DDX10: variants seen among roughly 807,000 people sequenced by gnomAD.
DDX10 encodes the protein DEAD-box helicase 10, also known as probable ATP-dependent RNA helicase DDX10.
DDX10 carries 74 observed loss-of-function variants against 104.3 expected under a neutral mutation model. The observed-to-expected ratio is 0.71, with a 90% confidence interval of 0.59 to 0.86. DDX10 has a LOEUF of 0.86. Ranked by LOEUF, DDX10 falls within the 40% of genes least tolerant of loss-of-function variation. DDX10 has a pLI of 0.00. For missense variants in DDX10, 952 were observed against 1,040.0 expected (o/e 0.92, Z 1.16); for synonymous variants, 351 against 353.4 (o/e 0.99, Z 0.08).
intron 16 of DDX10, among the ~76,000 whole-genome samples, chr11:108,859,356 G>C (rs1862910660): frequency 6.6e-6 from 1 of 152,136 alleles, no homozygotes; most frequent in Non-Finnish European, 1.5e-5. Context: ...TGGTGTTAGA[G>C]TCAGAATACT....
At chr11:108,855,481 A>T (rs1042505232) in intron 16 of DDX10, among the ~76,000 whole-genome samples, 5 of 152,288 alleles carry the variant, frequency 3.3e-5, no homozygotes, top group Non-Finnish European at 7.4e-5. Flanking sequence ...ATTTTTTAAG[A>T]TGGAGTCTCG....
chr11:108,751,609 A>AG (rs1253431277), intron 13 of DDX10, among the ~76,000 whole-genome samples: 2 of 152,230 alleles, frequency 1.3e-5, no homozygotes, highest in African/African-American at 2.4e-5. Context: ...AGACTGCCGA[A>AG]GGGGGCCTAT....
rs546512746 is a variant in DDX10, at chr11:108,710,526, G to A, written c.1322+3689G>A. Among the ~76,000 whole-genome samples the A allele has an allele frequency of 2.0e-4, 30 of 150,608 alleles. No homozygotes were observed. In the South Asian group the frequency reaches 2.3e-3, roughly 12 times the overall value. ...TATCACTGTCTTTCATTTTCACATCGTCCCACTAGAAGGCCTTCAGGGGCA... is the reference window on the plus strand; with the variant it reads ...TATCACTGTCTTTCATTTTCACATCATCCCACTAGAAGGCCTTCAGGGGCA... On this transcript the variant is annotated intron_variant, in intron 10 of 17. Transcript: ENST00000322536.
intron 13 of DDX10, among the ~76,000 whole-genome samples, chr11:108,793,995 A>G (rs1380787001): frequency 6.6e-6 from 1 of 152,138 alleles, no homozygotes; most frequent in Non-Finnish European, 1.5e-5. Flanking sequence ...CGTTTCTGCA[A>G]ATGACATGAT....
rs534188665 is a variant in DDX10, at chr11:108,910,055, G to C, written c.2305-7818G>C. 6.6e-5 allele frequency among the ~76,000 whole-genome samples: 10 copies of C among 151,568 alleles called. No individual in the cohort carries two copies. In the South Asian group the frequency reaches 2.1e-3, roughly 32 times the overall value. ...AGAATACTTGCAGGAAGACGTATTA[G>C]GCAGCTGGCGCAATATTCTAGGCAA... On this transcript the variant is annotated intron_variant, in intron 16 of 17. Transcript: ENST00000322536.
chr11:108,815,127 GAAAAC>G (rs1862237331), intron 13 of DDX10, among the ~76,000 whole-genome samples: 1 of 151,928 alleles, frequency 6.6e-6, no homozygotes, highest in Admixed American at 6.6e-5. Flanking sequence ...ACATAACAAA[GAAAAC>G]AAAAATCAAG....
intron 13 of DDX10, among the ~76,000 whole-genome samples, chr11:108,771,288 T>G (rs1190879353): frequency 6.6e-6 from 1 of 152,146 alleles, no homozygotes; most frequent in Non-Finnish European, 1.5e-5. Context: ...CAATATTTTC[T>G]CTCATTCTGT....
chr11:108,884,520 A>T (rs1263837565), intron 16 of DDX10, among the ~76,000 whole-genome samples: 1 of 152,140 alleles, frequency 6.6e-6, no homozygotes, highest in Non-Finnish European at 1.5e-5. Flanking sequence ...GCCTTGATGT[A>T]GGTCTCTGTC....
intron 13 of DDX10, among the ~76,000 whole-genome samples, chr11:108,815,369 G>A (rs2615757): frequency 0.21 from 31,975 of 151,926 alleles, 3,997 homozygotes; most frequent in African/African-American, 0.32. Flanking sequence ...GCATATGCAG[G>A]GGGTTGGTTC....
intron 15 of DDX10, 140 bp from the exon 16 acceptor site, chr11:108,852,013 A>G (rs1403540209): frequency 3.1e-6 from 2 of 649,642 alleles, no homozygotes; most frequent in Admixed American, 2.9e-5. Context: ...TGCCAATCCC[A>G]TAGTAGTAGT....
intron 16 of DDX10, among the ~76,000 whole-genome samples, chr11:108,895,510 T>C (rs186656355): frequency 1.3e-5 from 2 of 152,194 alleles, no homozygotes; most frequent in East Asian, 1.9e-4. Flanking sequence ...AAAGGACTTA[T>C]ATTTCTATAT....
chr11:108,879,796 T>C (rs1312194323), intron 16 of DDX10, among the ~76,000 whole-genome samples: 1 of 152,186 alleles, frequency 6.6e-6, no homozygotes, highest in African/African-American at 2.4e-5. Context: ...ATGGGGTTAT[T>C]ATGACATGGC....
chr11:108,861,121 G>A (rs1025823852), intron 16 of DDX10, among the ~76,000 whole-genome samples: 7 of 150,598 alleles, frequency 4.6e-5, no homozygotes, highest in African/African-American at 9.8e-5. Context: ...TCTAGTAGGC[G>A]CAATCTAATC....
chr11:108,691,172 A>T (rs909125381), intron 7 of DDX10, among the ~76,000 whole-genome samples: 2 of 152,204 alleles, frequency 1.3e-5, no homozygotes, highest in African/African-American at 4.8e-5. Context: ...AGAGACTTTA[A>T]TGGGGTCTTT....
chr11:108,679,603 T>G, intron 6 of DDX10, 43 bp downstream of exon 6: 1 of 1,428,132 alleles, frequency 7.0e-7, no homozygotes, highest in South Asian at 1.4e-5. Context: ...TTTTTTACTT[T>G]TTTAGTTTAG....
chr11:108,773,560 A>G (rs1053425834), intron 13 of DDX10, among the ~76,000 whole-genome samples: 8 of 152,030 alleles, frequency 5.3e-5, no homozygotes, highest in African/African-American at 1.7e-4. Flanking sequence ...ATGTGTGCAC[A>G]TGCACACATA....
rs576859957 is a variant in DDX10 at position 108,912,438 on chromosome 11, T to C, written c.2305-5435T>C. Among the ~76,000 whole-genome samples the C allele has an allele frequency of 2.6e-5, 4 of 152,280 alleles. No homozygotes were observed. In the South Asian group the frequency reaches 8.3e-4, roughly 32 times the overall value. On this transcript the variant is annotated intron_variant, in intron 16 of 17. Transcript: ENST00000322536. ...TCTCCACTGCCACTTCCTTCATTAA[T>C]TATTATAGTTTTAAAACTGATATCC...
intron 13 of DDX10, among the ~76,000 whole-genome samples, chr11:108,773,685 G>A (rs1465773461): frequency 1.3e-5 from 2 of 151,908 alleles, no homozygotes; most frequent in Admixed American, 6.6e-5. Context: ...AGATACTTAA[G>A]GGTTGGCATT....
At chr11:108,685,817 A>T (rs1482630505) in intron 6 of DDX10, among the ~76,000 whole-genome samples, 1 of 152,216 alleles carries the variant, frequency 6.6e-6, no homozygotes, top group Non-Finnish European at 1.5e-5. Context: ...GTGTATCTAA[A>T]ATAGTTTCAG....
Sources: allele counts gnomAD v4.1 joint callset (sites outside exome capture counted in the v4.1 genomes callset), GRCh38; gene constraint gnomAD v4.1.1; transcripts MANE v1.5; gene names NCBI Gene and HGNC (gene_info 2026-07-23, HGNC 2026-07-21).